The following OLFM3 variants were observed in gnomAD, a reference collection of about 807,000 sequenced individuals.
OLFM3 encodes noelin-3.
A neutral mutation model predicts 48.6 loss-of-function variants in OLFM3; 20 were observed. The ratio of observed to expected loss-of-function variants is 0.41; its 90% CI spans 0.29 to 0.60. OLFM3 has a LOEUF of 0.60. OLFM3 is among the 20% of genes least tolerant of loss of function. The probability of loss-of-function intolerance (pLI) is 0.28; values close to 1 mark genes in which losing one functional copy is unlikely to be tolerated. For synonymous variants in OLFM3, 222 were observed against 198.1 expected (o/e 1.12, Z -1.01); for missense variants, 437 against 544.3 (o/e 0.80, Z 1.96).
chr1:101,969,330 G>GGTATTTTT lies in OLFM3; in HGVS notation c.69+27410_69+27417dup, dbSNP rs1660713235. Among the ~76,000 whole-genome samples the GGTATTTTT allele has an allele frequency of 3.1e-5, 3 of 97,182 alleles. No homozygotes were observed. The South Asian group carries it at 9.9e-4, about 32-fold the overall frequency. 63.8% of individuals were successfully genotyped at this position (97,182 alleles called of 152,430 possible). On this transcript the variant is annotated intron_variant, in intron 1 of 5. Coordinates refer to ENST00000370103, the MANE Select transcript of OLFM3 (RefSeq NM_058170.4). ...CGCCTGGCTATTTTTTTTTTTTTTT[G>GGTATTTTT]GTATTTTTGTATTTTTAGTAGAGGC...
intron 1 of OLFM3, among the ~76,000 whole-genome samples, chr1:101,955,816 G>C (rs1660270826): frequency 6.6e-6 from 1 of 151,706 alleles, no homozygotes. Context: ...ACATCTAATT[G>C]CTTATTGCAC....
intron 1 of OLFM3, among the ~76,000 whole-genome samples, chr1:101,909,864 C>T (rs1247440862): frequency 6.6e-6 from 1 of 152,058 alleles, no homozygotes; most frequent in Admixed American, 6.6e-5. Flanking sequence ...AGGGTGTATA[C>T]TGGTTTGAAG....
At chr1:101,842,546 AAATAAT>A (rs1320827146) in intron 1 of OLFM3, among the ~76,000 whole-genome samples, 2 of 152,162 alleles carry the variant, frequency 1.3e-5, no homozygotes, top group African/African-American at 2.4e-5. Flanking sequence ...GACTGTCTGA[AAATAAT>A]AATAATAATA....
intron 1 of OLFM3, among the ~76,000 whole-genome samples, chr1:101,946,156 A>T (rs974610008): frequency 3.3e-5 from 5 of 151,764 alleles, no homozygotes; most frequent in African/African-American, 1.2e-4. Flanking sequence ...TGCAGAAGGT[A>T]AAAGAGAAAA....
At chr1:101,852,075 T>C (rs954397134) in intron 1 of OLFM3, among the ~76,000 whole-genome samples, 1 of 152,022 alleles carries the variant, frequency 6.6e-6, no homozygotes, top group African/African-American at 2.4e-5. Flanking sequence ...CCAACGTCGA[T>C]AAATTTTCCC....
At chr1:101,825,971 C>A (rs540280582) in intron 3 of OLFM3, among the ~76,000 whole-genome samples, 1 of 152,274 alleles carries the variant, frequency 6.6e-6, no homozygotes, top group East Asian at 1.9e-4. Context: ...ACTTCGACTC[C>A]ATTTATCTTA....
Position 101,958,491 on chromosome 1 carries a change from T to C in OLFM3, c.69+38257A>G, listed in dbSNP as rs150712301. Among the ~76,000 whole-genome samples the C allele has an allele frequency of 2.6e-5, 4 of 152,124 alleles. No individual in the cohort carries two copies. The East Asian group carries it at 7.7e-4, about 29-fold the overall frequency. On this transcript the variant is annotated intron_variant, in intron 1 of 5. Coordinates refer to ENST00000370103, the MANE Select transcript of OLFM3 (RefSeq NM_058170.4). ...TCAACATTATTCCACTATTTGAGAG[T>C]TCTGTCTACAATACCACATTGTAGA...
At chr1:101,872,741 C>T (rs779892464) in intron 1 of OLFM3, among the ~76,000 whole-genome samples, 18 of 151,946 alleles carry the variant, frequency 1.2e-4, no homozygotes, top group Non-Finnish European at 2.4e-4. Context: ...TAAAATTTTG[C>T]ATCTAATTAC....
Position 101,805,159 on chromosome 1 carries a change from C to G in OLFM3, c.700-244G>C, listed in dbSNP as rs12093948. Among the ~76,000 whole-genome samples the G allele has an allele frequency of 9.8e-3, 1,484 of 151,842 alleles. 81 individuals carry two copies. The East Asian group carries it at 0.17, about 17-fold the overall frequency. On this transcript the variant is annotated intron_variant, in intron 5 of 5. Coordinates refer to ENST00000370103, the MANE Select transcript of OLFM3 (RefSeq NM_058170.4). ...ATTAATTTGCTTTTTTGCTTTTTCT[C>G]TCTTTGTTTTTTAAATTCCTGACCA...
chr1:101,944,129 C>A (rs372304505), intron 1 of OLFM3, among the ~76,000 whole-genome samples: 31 of 151,206 alleles, frequency 2.1e-4, no homozygotes, highest in African/African-American at 7.0e-4. Flanking sequence ...TACTGATGGA[C>A]CAATGATGTT....
At chr1:101,958,835 T>TTTTATA (rs1330516478) in intron 1 of OLFM3, among the ~76,000 whole-genome samples, 10 of 146,424 alleles carry the variant, frequency 6.8e-5, no homozygotes, top group Non-Finnish European at 1.5e-4. Flanking sequence ...CAAAGTGATA[T>TTTTATA]TATATATATA....
intron 1 of OLFM3, among the ~76,000 whole-genome samples, chr1:101,922,078 C>A (rs1659113340): frequency 6.6e-6 from 1 of 151,906 alleles, no homozygotes. Context: ...AGGGAACCTG[C>A]CTAAAATTGT....
intron 4 of OLFM3, among the ~76,000 whole-genome samples, chr1:101,811,372 C>T (rs1004769805): frequency 6.6e-6 from 1 of 151,908 alleles, no homozygotes; most frequent in Non-Finnish European, 1.5e-5. Flanking sequence ...TTCTGCACAG[C>T]AAAAGAAACT....
chr1:101,863,763 C>T (rs972008014), intron 1 of OLFM3, among the ~76,000 whole-genome samples: 11 of 152,022 alleles, frequency 7.2e-5, no homozygotes, highest in African/African-American at 1.4e-4. Flanking sequence ...AGCCAACAAA[C>T]GCTGTCTGCT....
chr1:101,834,525 G>A (rs1655309696), intron 2 of OLFM3, among the ~76,000 whole-genome samples: 1 of 152,168 alleles, frequency 6.6e-6, no homozygotes, highest in African/African-American at 2.4e-5. Context: ...AGATAAGCAA[G>A]GGACTGGCTC....
chr1:101,945,438 A>G (rs1659931037), intron 1 of OLFM3, among the ~76,000 whole-genome samples: 1 of 152,184 alleles, frequency 6.6e-6, no homozygotes, highest in African/African-American at 2.4e-5. Flanking sequence ...TTTATCTAAG[A>G]TTCTAGAAAA....
In OLFM3 at chr1:101,956,103, T is replaced by TTTTTTTTTAA. The variant is rs781231551; in HGVS notation, c.69+40644_69+40645insTTAAAAAAAA. ...AATAACAGGTTTTTTTTTTTTTTTT[T>TTTTTTTTTAA]AAAAAAAACCTTTACAGAATTTTCT... On this transcript the variant is annotated intron_variant, in intron 1 of 5. Coordinates refer to ENST00000370103, the MANE Select transcript of OLFM3 (RefSeq NM_058170.4). Among the ~76,000 whole-genome samples the TTTTTTTTTAA allele has an allele frequency of 1.0e-3, 145 of 143,298 alleles. 1 individual carries two copies. The East Asian group carries it at 0.019, about 19-fold the overall frequency. The allele number at this position is 143,298 out of a possible 152,430, so 94.0% of individuals were successfully genotyped here. A position where few individuals can be genotyped will look rare whatever the true frequency, so the allele number is the denominator to read the frequency against.
intron 1 of OLFM3, among the ~76,000 whole-genome samples, chr1:101,966,198 G>A (rs1660602213): frequency 6.6e-6 from 1 of 151,870 alleles, no homozygotes; most frequent in African/African-American, 2.4e-5. Context: ...TTTTGAGCCA[G>A]GGTCTTGCCC....
intron 1 of OLFM3, among the ~76,000 whole-genome samples, chr1:101,867,789 T>C (rs1319321179): frequency 6.6e-6 from 1 of 152,220 alleles, no homozygotes; most frequent in Admixed American, 6.5e-5. Context: ...GGTTATGCTA[T>C]GGTTTGGCTA....
Sources: allele counts gnomAD v4.1 joint callset (sites outside exome capture counted in the v4.1 genomes callset), GRCh38; gene constraint gnomAD v4.1.1; transcripts MANE v1.5; gene names NCBI Gene and HGNC (gene_info 2026-07-23, HGNC 2026-07-21).